The following ADAM32 variants were observed in gnomAD, a reference collection of about 807,000 sequenced individuals.
ADAM32 encodes ADAM metallopeptidase domain 32, also known as disintegrin and metalloproteinase domain-containing protein 32.
Under a neutral mutation model 114.9 loss-of-function variants are expected in ADAM32, and 89 were observed. The ratio of observed to expected loss-of-function variants is 0.77; its 90% CI spans 0.65 to 0.92. ADAM32 has a LOEUF of 0.92. ADAM32 is among the 40% of genes least tolerant of loss of function. The pLI is 0.00. For missense variants in ADAM32, 870 were observed against 932.8 expected (o/e 0.93, Z 0.88); for synonymous variants, 285 against 307.5 (o/e 0.93, Z 0.77).
chr8:39,255,823 T>C (rs2129450585), intron 18 of ADAM32, among the ~76,000 whole-genome samples: 1 of 152,234 alleles, frequency 6.6e-6, no homozygotes, highest in East Asian at 1.9e-4. Context: ...TAGAATAGTT[T>C]CCTGATGTTA....
Position 39,138,523 on chromosome 8 carries a change from A to G in ADAM32, c.200+1805A>G, listed in dbSNP as rs193186776. ...TAAACTCATCCTTTTTTATGGCTGC[A>G]TAGTATTCCATGGTGTATATATGCC... On this transcript the variant is annotated intron_variant, in intron 3 of 24. Coordinates refer to ENST00000379907, the MANE Select transcript of ADAM32 (RefSeq NM_145004.7). Among the ~76,000 whole-genome samples, 224 of 152,296 alleles carry G rather than the reference A, an allele frequency of 1.5e-3. 4 individuals carry two copies. In the East Asian group the frequency reaches 0.031, roughly 21 times the overall value.
Position 39,257,225 on chromosome 8 carries a change from A to C in ADAM32, c.2044A>C (p.Thr682Pro), listed in dbSNP as rs780703397. 3 of 1,610,374 alleles carry C rather than the reference A, an allele frequency of 1.9e-6. No homozygotes were observed. The highest frequency in any genetic ancestry group is 2.5e-6 in the Non-Finnish European group (3 of 1,177,952). The change falls in exon 19 of 25, where the codon ACC becomes CCC. Residue 682 changes from threonine to proline, a missense_variant. Thr to Pro is a conservative substitution (Grantham distance 38). Coordinates refer to ENST00000379907, the MANE Select transcript of ADAM32 (RefSeq NM_145004.7). The part of the protein sequence containing the change: ...MERASGKTEN[T>P]WLLGFLIALP... ...AAGAGCATCTGGGAAGACTGAAAAC[A>C]CCTGGCTTCTAGGTTTCCTCATTGC...
At chr8:39,246,191 A>G (rs1403717505) in intron 17 of ADAM32, 25 bp downstream of exon 17, 13 of 1,599,032 alleles carry the variant, frequency 8.1e-6, no homozygotes, top group Non-Finnish European at 1.1e-5. Flanking sequence ...GTTTCCCTGA[A>G]TCACATTTCT....
chr8:39,185,120 C>T (rs1375798330), intron 10 of ADAM32, among the ~76,000 whole-genome samples: 1 of 151,988 alleles, frequency 6.6e-6, no homozygotes, highest in East Asian at 1.9e-4. Context: ...CAAAAATTAG[C>T]CAGGCATAGT....
intron 11 of ADAM32, among the ~76,000 whole-genome samples, chr8:39,194,777 A>T (rs1041220310): frequency 6.6e-6 from 1 of 152,178 alleles, no homozygotes; most frequent in African/African-American, 2.4e-5. Flanking sequence ...GACTTCAGGT[A>T]CGACAGTTCC....
intron 16 of ADAM32, among the ~76,000 whole-genome samples, chr8:39,239,118 A>T (rs1262031194): frequency 6.6e-6 from 1 of 152,168 alleles, no homozygotes; most frequent in Non-Finnish European, 1.5e-5. Context: ...GCACATGGTC[A>T]TCAGGTTATT....
In ADAM32 at chr8:39,233,949, TC is replaced by T; in HGVS notation, c.1687del (p.His563IlefsTer7). The T allele has an allele frequency of 6.3e-7, 1 of 1,592,634 alleles. No homozygotes were observed. The highest frequency in any genetic ancestry group is 8.6e-7 in the Non-Finnish European group (1 of 1,168,888). On this transcript the variant is annotated frameshift_variant, in exon 16 of 25. Coordinates refer to ENST00000379907, the MANE Select transcript of ADAM32 (RefSeq NM_145004.7). LOFTEE classifies it high-confidence loss of function. ...LVCTYPTRKP[F>X]HQENGDVIYA... ...TGTACCTACCCTACTCGAAAGCCTT[TC>T]CATCAAGAAAATGGTGATGTGATTT...
intron 6 of ADAM32, among the ~76,000 whole-genome samples, chr8:39,155,177 TG>T (rs1804068586): frequency 6.6e-6 from 1 of 152,210 alleles, no homozygotes; most frequent in South Asian, 2.1e-4. Flanking sequence ...AAGACAAAGA[TG>T]CCCTCTGGCA....
At chr8:39,274,899 A>C (rs1375375587) in intron 21 of ADAM32, among the ~76,000 whole-genome samples, 3 of 152,136 alleles carry the variant, frequency 2.0e-5, no homozygotes, top group Admixed American at 6.5e-5. Flanking sequence ...CTGTGTGATA[A>C]ATTTTTACAT....
chr8:39,169,142 T>A (rs1805035506), intron 9 of ADAM32: 1 of 152,206 alleles, frequency 6.6e-6, no homozygotes, highest in Non-Finnish European at 1.5e-5. Flanking sequence ...AGAATTGAAT[T>A]CCAAGCTTCT....
At chr8:39,201,561 C>T (rs982695307) in intron 11 of ADAM32, among the ~76,000 whole-genome samples, 7 of 152,104 alleles carry the variant, frequency 4.6e-5, no homozygotes, top group African/African-American at 7.2e-5. Flanking sequence ...TATACAATCA[C>T]GTCATCTGCA....
chr8:39,217,821 C>G (rs1035701475), intron 12 of ADAM32, among the ~76,000 whole-genome samples: 1 of 152,182 alleles, frequency 6.6e-6, no homozygotes. Context: ...GTTGAATTCT[C>G]TGTCTGAAAG....
At chr8:39,191,330 C>G (rs559800043) in intron 11 of ADAM32, among the ~76,000 whole-genome samples, 1 of 152,126 alleles carries the variant, frequency 6.6e-6, no homozygotes. Flanking sequence ...AATCAACACA[C>G]GTTTTCTACA....
At chr8:39,214,789 T>C (rs1210887652) in intron 12 of ADAM32, among the ~76,000 whole-genome samples, 1 of 152,112 alleles carries the variant, frequency 6.6e-6, no homozygotes, top group Non-Finnish European at 1.5e-5. Flanking sequence ...AGACTTTCTC[T>C]AATGTTTTCT....
intron 18 of ADAM32, 122 bp from the exon 19 acceptor site, chr8:39,257,065 T>G (rs1811690785): frequency 1.2e-5 from 12 of 1,036,610 alleles, no homozygotes; most frequent in Non-Finnish European, 1.3e-5. Flanking sequence ...TATAATGATT[T>G]TTTCCATGTT....
chr8:39,142,332 G>A (rs1047218533), intron 3 of ADAM32, among the ~76,000 whole-genome samples: 12 of 152,172 alleles, frequency 7.9e-5, no homozygotes, highest in Admixed American at 3.9e-4. Flanking sequence ...TTTTTGCAGT[G>A]GTTGGTACCG....
rs1487105615 is a variant in ADAM32, at chr8:39,147,216, A to G, written c.276+11A>G. 12 of 989,574 alleles carry G rather than the reference A, an allele frequency of 1.2e-5. No individual in the cohort carries two copies. Among genetic ancestry groups the G allele is most frequent in the Non-Finnish European group, 1.3e-5 (10 of 749,674 alleles). The allele number at this position is 989,574 out of a possible 1,614,324, so 61.3% of individuals were successfully genotyped here. A position where few individuals can be genotyped will look rare whatever the true frequency, so the allele number is the denominator to read the frequency against. On this transcript the variant is annotated intron_variant, in intron 4 of 24. Transcript: ENST00000379907. ...TCTTCAGATATTCAGGTAAGATTTA[A>G]ATTCTGTGTTTTATAGTTTTTTTTA...
intron 14 of ADAM32, among the ~76,000 whole-genome samples, chr8:39,225,684 T>C (rs1323609541): frequency 6.6e-6 from 1 of 152,154 alleles, no homozygotes. Context: ...AATGTTGACC[T>C]CAGCTGACAG....
At position 39,123,334 on chromosome 8, in the gene ADAM32, C is replaced by CT. The variant is rs138462508; in HGVS notation, c.138+5174dup. Among the ~76,000 whole-genome samples, 621 of 152,158 alleles carry CT rather than the reference C, an allele frequency of 4.1e-3. 4 individuals are homozygous for CT. The highest frequency in any genetic ancestry group is 0.014 in the African/African-American group (587 of 41,522). On this transcript the variant is annotated intron_variant, in intron 2 of 24. Coordinates refer to ENST00000379907, the MANE Select transcript of ADAM32 (RefSeq NM_145004.7). ...AAAATTGCTTTGACTATTCTAAGTC[C>CT]TTTTTATTTCCATATATATTTTTAG...
Sources: allele counts gnomAD v4.1 joint callset (sites outside exome capture counted in the v4.1 genomes callset), GRCh38; gene constraint gnomAD v4.1.1; transcripts MANE v1.5; gene names NCBI Gene and HGNC (gene_info 2026-07-23, HGNC 2026-07-21).